Variants in IQSEC1 observed in about 807,000 individuals in gnomAD.
IQSEC1 encodes IQ motif and Sec7 domain ArfGEF 1, also known as IQ motif and SEC7 domain-containing protein 1.
IQSEC1 carries 31 observed loss-of-function variants against 91.0 expected under a neutral mutation model. That is an observed-to-expected ratio of 0.34 (90% CI 0.26 to 0.46). The LOEUF (loss-of-function observed/expected upper bound fraction) is 0.46, where lower values mean the gene tolerates loss of function less well. IQSEC1 is among the 20% of genes least tolerant of loss of function. The pLI, the probability that IQSEC1 is intolerant of heterozygous loss-of-function variation, is 1.00. For synonymous variants in IQSEC1, 699 were observed against 662.6 expected (o/e 1.05, Z -0.84); for missense variants, 1,388 against 1,575.6 (o/e 0.88, Z 2.02).
At chr3:12,923,862 C>A (rs1476179402) in intron 4 of IQSEC1, among the ~76,000 whole-genome samples, 1 of 152,250 alleles carries the variant, frequency 6.6e-6, no homozygotes, top group Non-Finnish European at 1.5e-5. Flanking sequence ...AGCACTTCAC[C>A]CTGCTCTGAG....
chr3:13,124,708 G>C (rs906550476), intron 2 of IQSEC1, among the ~76,000 whole-genome samples: 4 of 152,216 alleles, frequency 2.6e-5, no homozygotes, highest in Admixed American at 2.0e-4. Flanking sequence ...TACTTGGCTC[G>C]GGGGCCCCGC....
In IQSEC1 at chr3:12,970,950, G is replaced by A. The variant is rs575901577; in HGVS notation, c.24-29085C>T. On this transcript the variant is annotated intron_variant, in intron 1 of 13. Transcript: ENST00000613206. The surrounding 1 kb of genome is among the most constrained non-coding windows in gnomAD (Gnocchi z 4.4). ...CAGAAGGTCTTCGACAGCTGAATAC[G>A]CCAAAGGTTGGTAAACTATGGCCTG... 2.0e-5 allele frequency among the ~76,000 whole-genome samples: 3 copies of A among 152,318 alleles called. No homozygotes were observed. Among genetic ancestry groups the A allele is most frequent in the Non-Finnish European group, 1.5e-5 (1 of 68,038 alleles).
chr3:13,211,447 G>C lies in IQSEC1; in HGVS notation c.273-47314C>G, dbSNP rs866428995. Among the ~76,000 whole-genome samples, 27 of 151,924 alleles carry C rather than the reference G, an allele frequency of 1.8e-4. No individual in the cohort carries two copies. The highest frequency in any genetic ancestry group is 6.3e-4 in the African/African-American group (26 of 41,346). The stretch of plus-strand genomic sequence containing the variant: ...GGGCCCCCTCTGCCCCCTGCCCCAG[G>C]TCACCTTACAAACAAAGACCCCAAC... On this transcript the variant is annotated intron_variant, in intron 1 of 15. Coordinates refer to the IQSEC1 transcript ENST00000648114. This position sits in a 1 kb window ranked among gnomAD's most constrained non-coding sequence, Gnocchi z 5.3.
intron 1 of IQSEC1, among the ~76,000 whole-genome samples, chr3:13,217,320 A>G (rs994700363): frequency 6.6e-6 from 1 of 152,146 alleles, no homozygotes; most frequent in Non-Finnish European, 1.5e-5. Flanking sequence ...TTCTATCTCT[A>G]TGGGGTTGCC....
chr3:13,264,739 C>CA (rs1181160369), intron 1 of IQSEC1, among the ~76,000 whole-genome samples: 1 of 151,710 alleles, frequency 6.6e-6, no homozygotes, highest in East Asian at 1.9e-4. Context: ...GCAGGAGGGT[C>CA]AAAAGGGGTC....
At chr3:12,988,897 C>T (rs1180191262) in intron 1 of IQSEC1, among the ~76,000 whole-genome samples, 1 of 152,156 alleles carries the variant, frequency 6.6e-6, no homozygotes, top group East Asian at 1.9e-4. Context: ...GCAGCAGCAT[C>T]CGAGCTAGAA....
intron 1 of IQSEC1, among the ~76,000 whole-genome samples, chr3:13,055,809 CAG>C (rs1478274879): frequency 6.6e-6 from 1 of 152,150 alleles, no homozygotes; most frequent in East Asian, 1.9e-4. Flanking sequence ...ACAAAACTTG[CAG>C]AGTGACCTCG....
chr3:13,166,624 T>C (rs1374071018), intron 1 of IQSEC1, among the ~76,000 whole-genome samples: 1 of 152,210 alleles, frequency 6.6e-6, no homozygotes, highest in Non-Finnish European at 1.5e-5. Context: ...AGGAGATAAG[T>C]ACATTCCCAG....
At chr3:13,199,913 C>T (rs2125047096) in intron 1 of IQSEC1, among the ~76,000 whole-genome samples, 1 of 150,252 alleles carries the variant, frequency 6.7e-6, no homozygotes, top group East Asian at 2.0e-4. Flanking sequence ...CAAACAGATA[C>T]ACCACACACC....
intron 1 of IQSEC1, among the ~76,000 whole-genome samples, chr3:13,011,540 C>T (rs1409868511): frequency 6.6e-6 from 1 of 152,236 alleles, no homozygotes; most frequent in Non-Finnish European, 1.5e-5. Flanking sequence ...ACCCTATATT[C>T]TAGCCCTTGT....
chr3:12,933,703 T>C (rs572612424), intron 3 of IQSEC1, among the ~76,000 whole-genome samples: 1 of 152,318 alleles, frequency 6.6e-6, no homozygotes, highest in South Asian at 2.1e-4. Context: ...CCCCAAGCTG[T>C]GTTCTTAACC....
Position 12,979,709 on chromosome 3 carries a change from G to T in IQSEC1, c.24-37844C>A, listed in dbSNP as rs1237168524. On this transcript the variant is annotated intron_variant, in intron 1 of 13. Transcript: ENST00000613206. The surrounding 1 kb of genome is among the most constrained non-coding windows in gnomAD (Gnocchi z 4.3). ...GACATTAAAGGTCTGTCAGCATGCC[G>T]ACCCTCCTGTCTGATGTCATCAGAA... Among the ~76,000 whole-genome samples the T allele has an allele frequency of 1.3e-5, 2 of 152,106 alleles. No individual in the cohort carries two copies. The highest frequency in any genetic ancestry group is 4.8e-5 in the African/African-American group (2 of 41,400).
chr3:13,096,459 G>A lies in IQSEC1; in HGVS notation c.303-48937C>T, dbSNP rs189888170. On this transcript the variant is annotated intron_variant, in intron 2 of 15. Transcript: ENST00000648114. ...GTAGGGCACACGCCCTTCCCAGAAG[G>A]GATTCGCAGTCTAGCAAGAATCAAG... Among the ~76,000 whole-genome samples the A allele has an allele frequency of 3.7e-4, 56 of 152,316 alleles. 1 individual carries two copies. The East Asian group carries it at 6.9e-3, about 19-fold the overall frequency.
chr3:13,263,284 G>A (rs1313240191), intron 1 of IQSEC1, among the ~76,000 whole-genome samples: 3 of 151,768 alleles, frequency 2.0e-5, no homozygotes, highest in African/African-American at 7.3e-5. Context: ...AAAAACCAAT[G>A]TGAATATACC....
At position 13,209,502 on chromosome 3, in the gene IQSEC1, C is replaced by T. The variant is rs148502407; in HGVS notation, c.273-45369G>A. On this transcript the variant is annotated intron_variant, in intron 1 of 15. Coordinates refer to the IQSEC1 transcript ENST00000648114. ...CGCAGGCTGTGCTGGGGCCTCCTTC[C>T]AGACCAGTGCAGCTTGGGCAATTCA... Among the ~76,000 whole-genome samples the T allele has an allele frequency of 5.9e-5, 9 of 152,354 alleles. No homozygotes were observed. In the East Asian group the frequency reaches 1.7e-3, roughly 29 times the overall value.
intron 1 of IQSEC1, among the ~76,000 whole-genome samples, chr3:13,200,641 G>A (rs1694227556): frequency 6.6e-6 from 1 of 152,230 alleles, no homozygotes; most frequent in African/African-American, 2.4e-5. Context: ...CCAAGAGAGT[G>A]GGGAAGAACG....
At chr3:13,239,185 G>A (rs1694979958) in intron 1 of IQSEC1, among the ~76,000 whole-genome samples, 1 of 152,232 alleles carries the variant, frequency 6.6e-6, no homozygotes. Flanking sequence ...GGCTGCCCAG[G>A]ATGTGAGGGC....
chr3:13,175,823 A>G (rs1254349900), intron 1 of IQSEC1, among the ~76,000 whole-genome samples: 4 of 152,214 alleles, frequency 2.6e-5, no homozygotes, highest in Non-Finnish European at 5.9e-5. Context: ...CTCTCCAAAC[A>G]GGAGGCTGGC....
chr3:13,141,328 G>C (rs954313239), intron 2 of IQSEC1, among the ~76,000 whole-genome samples: 1 of 152,224 alleles, frequency 6.6e-6, no homozygotes, highest in Non-Finnish European at 1.5e-5. Flanking sequence ...TGTGCACAGG[G>C]TAGCAGATGA....
Sources: gnomAD v4.1 joint callset for allele counts (sites outside exome capture counted in the v4.1 genomes callset) on GRCh38, gnomAD v4.1.1 for gene constraint, Gnocchi (gnomAD v3.1) non-coding constraint, MANE v1.5 for transcripts, NCBI Gene and HGNC (gene_info 2026-07-23, HGNC 2026-07-21) for gene names.